The following SLC2A13 variants were observed in gnomAD, a reference collection of about 807,000 sequenced individuals.
The protein encoded by SLC2A13 is proton myo-inositol cotransporter.
Under a neutral mutation model 64.4 loss-of-function variants are expected in SLC2A13, and 32 were observed. That is an observed-to-expected ratio of 0.50 (90% CI 0.37 to 0.67). The LOEUF is 0.67. Among genes scored for constraint, SLC2A13 ranks in the 30% least tolerant of loss-of-function variants. SLC2A13 has a pLI of 0.00. For synonymous variants in SLC2A13, 338 were observed against 327.1 expected, an observed-to-expected ratio of 1.03 and a Z score of -0.36; for missense variants, 743 against 829.2, an observed-to-expected ratio of 0.90 and a Z score of 1.28.
chr12:40,013,572 C>T (rs1026634568), intron 3 of SLC2A13, among the ~76,000 whole-genome samples: 1 of 152,198 alleles, frequency 6.6e-6, no homozygotes, highest in Non-Finnish European at 1.5e-5. Flanking sequence ...CCTTGGACAA[C>T]TCAAATCTGT....
chr12:39,967,729 C>T (rs1376670018), intron 3 of SLC2A13, among the ~76,000 whole-genome samples: 2 of 152,070 alleles, frequency 1.3e-5, no homozygotes, highest in Non-Finnish European at 2.9e-5. Context: ...AGCTCATTTA[C>T]TTCATTGTCA....
At chr12:39,781,585 G>A (rs1418490398) in intron 7 of SLC2A13, among the ~76,000 whole-genome samples, 1 of 152,156 alleles carries the variant, frequency 6.6e-6, no homozygotes, top group Non-Finnish European at 1.5e-5. Context: ...TTTTCAAAGC[G>A]ATTTTATGTA....
At position 39,857,795 on chromosome 12, in the gene SLC2A13, T is replaced by G. The variant is rs551104524; in HGVS notation, c.1319+6967A>C. The stretch of plus-strand genomic sequence containing the variant: ...CTTGCTTGCTCGTTATGACCCAGTC[T>G]TGTTGGTCAATTCTTTGAAGAAGCC... On this transcript the variant is annotated intron_variant, in intron 6 of 9. Coordinates refer to ENST00000280871, the MANE Select transcript of SLC2A13 (RefSeq NM_052885.4). 8.5e-5 allele frequency among the ~76,000 whole-genome samples: 13 copies of G among 152,338 alleles called. No homozygotes were observed. In the South Asian group the frequency reaches 1.4e-3, roughly 17 times the overall value.
intron 6 of SLC2A13, among the ~76,000 whole-genome samples, chr12:39,843,772 G>A (rs1031905461): frequency 2.5e-4 from 38 of 152,136 alleles, no homozygotes; most frequent in African/African-American, 8.2e-4. Context: ...AAGCAGAGTT[G>A]TTTGTTGCTT....
chr12:39,927,888 A>G (rs139171611), intron 4 of SLC2A13, among the ~76,000 whole-genome samples: 68 of 152,330 alleles, frequency 4.5e-4, no homozygotes, highest in African/African-American at 1.4e-3. Context: ...GATAAATGGT[A>G]CATGCCCATG....
intron 4 of SLC2A13, among the ~76,000 whole-genome samples, chr12:39,924,361 C>A (rs1592287362): frequency 1.3e-5 from 2 of 152,016 alleles, no homozygotes; most frequent in African/African-American, 4.8e-5. Context: ...TTTTCTGACA[C>A]AACATAGATA....
At chr12:39,870,934 C>A (rs888722627) in intron 5 of SLC2A13, among the ~76,000 whole-genome samples, 1 of 152,014 alleles carries the variant, frequency 6.6e-6, no homozygotes, top group Non-Finnish European at 1.5e-5. Context: ...TCAATGTTTT[C>A]GATACAATTT....
chr12:40,022,760 C>T (rs538950132), intron 3 of SLC2A13, among the ~76,000 whole-genome samples: 28 of 152,174 alleles, frequency 1.8e-4, no homozygotes, highest in Admixed American at 3.9e-4. Flanking sequence ...ATCACTTGAA[C>T]CCAGGAGGCA....
rs4312128 is a variant in SLC2A13, at chr12:39,756,808, G to A, written c.*3218C>T. On this transcript the variant is annotated 3_prime_UTR_variant, in exon 10 of 10. Coordinates refer to ENST00000280871, the MANE Select transcript of SLC2A13 (RefSeq NM_052885.4). ...GCTTTTACTGATTTCCCCTTTTAGA[G>A]TGAATAACTTAATATTTAGACTCTT... The A allele has an allele frequency of 0.84, 127,482 of 151,472 alleles. 53,916 individuals carry two copies. Among genetic ancestry groups the A allele is most frequent in the African/African-American group, 0.9 (37,192 of 41,454 alleles). 9.4% of individuals were successfully genotyped at this position (151,472 alleles called of 1,614,324 possible).
chr12:40,025,917 C>G (rs1176367337), intron 3 of SLC2A13, among the ~76,000 whole-genome samples: 2 of 152,120 alleles, frequency 1.3e-5, no homozygotes, highest in African/African-American at 2.4e-5. Context: ...GGGACAAGAC[C>G]ATGTCAGTTT....
chr12:39,891,188 G>A (rs542786334), intron 4 of SLC2A13, among the ~76,000 whole-genome samples: 6 of 149,566 alleles, frequency 4.0e-5, no homozygotes, highest in South Asian at 2.2e-4. Context: ...ACCTTCACCA[G>A]CTCTGCCCCA....
At chr12:39,834,856 G>T (rs1279084603) in intron 6 of SLC2A13, among the ~76,000 whole-genome samples, 1 of 151,980 alleles carries the variant, frequency 6.6e-6, no homozygotes, top group Non-Finnish European at 1.5e-5. Context: ...CATTTAGAAG[G>T]TGGCACAAAA....
chr12:39,866,238 T>G (rs1007540061), intron 5 of SLC2A13, among the ~76,000 whole-genome samples: 1 of 152,188 alleles, frequency 6.6e-6, no homozygotes, highest in Non-Finnish European at 1.5e-5. Flanking sequence ...CACGGTTATA[T>G]AATAGTTGAG....
At chr12:39,847,384 C>T (rs537863304) in intron 6 of SLC2A13, among the ~76,000 whole-genome samples, 2 of 152,208 alleles carry the variant, frequency 1.3e-5, no homozygotes, top group South Asian at 4.1e-4. Context: ...CAAAAGAATA[C>T]ATTTCCCAGT....
intron 4 of SLC2A13, among the ~76,000 whole-genome samples, chr12:39,922,492 A>G (rs1029929091): frequency 2.0e-5 from 3 of 152,336 alleles, no homozygotes; most frequent in South Asian, 4.1e-4. Context: ...ACTATTATCT[A>G]TCTTTTTAAG....
chr12:40,048,771 G>C (rs1253835066), intron 1 of SLC2A13, among the ~76,000 whole-genome samples: 1 of 152,098 alleles, frequency 6.6e-6, no homozygotes, highest in African/African-American at 2.4e-5. Context: ...AGGTGTATTT[G>C]ATTATATTAG....
intron 3 of SLC2A13, among the ~76,000 whole-genome samples, chr12:39,968,400 A>T (rs958888744): frequency 6.6e-6 from 1 of 152,120 alleles, no homozygotes; most frequent in African/African-American, 2.4e-5. Flanking sequence ...GGATTATGGG[A>T]ACTACAATTC....
chr12:40,105,696 T>A lies in SLC2A13; in HGVS notation c.113A>T (p.Glu38Val). 4 of 1,480,672 alleles carry A rather than the reference T, an allele frequency of 2.7e-6. No homozygotes were observed. Among genetic ancestry groups the A allele is most frequent in the South Asian group, 1.3e-5 (1 of 76,668 alleles). The allele number at this position is 1,480,672 out of a possible 1,614,324, so 91.7% of individuals were successfully genotyped here. Reference protein sequence around the residue: ...PEPDAASAAGECSLLAAAESS... With the variant: ...PEPDAASAAGVCSLLAAAESS... The stretch of plus-strand genomic sequence containing the variant: ...TTCGGCGGCAGCCAGGAGGCTGCAC[T>A]CCCCGGCCGCGCTCGCCGCGTCCGG... Residue 38 changes from glutamate (E) to valine (V), a missense_variant, in exon 1 of 10, where the codon GAG becomes GTG. Physicochemically the swap from Glu to Val is moderately radical, Grantham distance 121. Coordinates refer to ENST00000280871, the MANE Select transcript of SLC2A13 (RefSeq NM_052885.4). This position sits in a 1 kb window ranked among gnomAD's most constrained non-coding sequence, Gnocchi z 4.2.
intron 3 of SLC2A13, among the ~76,000 whole-genome samples, chr12:40,016,007 ACTG>A (rs1331666262): frequency 6.6e-6 from 1 of 152,190 alleles, no homozygotes; most frequent in African/African-American, 2.4e-5. Context: ...TTTCAAAAAA[ACTG>A]CTAACAGATA....
Sources: allele counts gnomAD v4.1 joint callset (sites outside exome capture counted in the v4.1 genomes callset), GRCh38; gene constraint gnomAD v4.1.1; non-coding constraint Gnocchi (gnomAD v3.1); transcripts MANE v1.5; gene names NCBI Gene and HGNC (gene_info 2026-07-23, HGNC 2026-07-21).